The following SPRED2 variants were observed in gnomAD, a reference collection of about 807,000 sequenced individuals.
SPRED2 encodes the protein sprouty related EVH1 domain containing 2, also known as sprouty-related, EVH1 domain-containing protein 2.
Under a neutral mutation model 43.0 loss-of-function variants are expected in SPRED2, and 47 were observed. The observed-to-expected ratio is 1.09, with a 90% CI of 0.87 to 1.40. SPRED2 has a LOEUF of 1.40. SPRED2 is among the 40% of genes most tolerant of loss of function. The pLI is 0.00. For missense variants in SPRED2, 561 were observed against 586.4 expected, an observed-to-expected ratio of 0.96 and a Z score of 0.45; for synonymous variants, 225 against 225.7, an observed-to-expected ratio of 1.00 and a Z score of 0.03.
intron 1 of SPRED2, among the ~76,000 whole-genome samples, chr2:65,405,715 A>C (rs1215399153): frequency 6.6e-6 from 1 of 152,164 alleles, no homozygotes; most frequent in Non-Finnish European, 1.5e-5. Context: ...CTCATTTTAT[A>C]ACAATGTTCA....
chr2:65,352,780 C>T (rs35749233), intron 1 of SPRED2, among the ~76,000 whole-genome samples: 31 of 152,084 alleles, frequency 2.0e-4, no homozygotes, highest in African/African-American at 6.7e-4. Flanking sequence ...TGCTCCAACA[C>T]GCCCAGCTAA....
intron 1 of SPRED2, among the ~76,000 whole-genome samples, chr2:65,390,654 G>C (rs935432804): frequency 6.6e-6 from 1 of 152,154 alleles, no homozygotes; most frequent in African/African-American, 2.4e-5. Context: ...TAGTTCATAG[G>C]GTTATGATGA....
At chr2:65,343,551 G>A (rs1179114249) in intron 2 of SPRED2, among the ~76,000 whole-genome samples, 2 of 152,104 alleles carry the variant, frequency 1.3e-5, no homozygotes, top group Non-Finnish European at 2.9e-5. Context: ...TTCTTGTGGT[G>A]TCTTTGCATT....
intron 1 of SPRED2, among the ~76,000 whole-genome samples, chr2:65,423,526 T>A (rs946302679): frequency 2.0e-5 from 3 of 152,186 alleles, no homozygotes; most frequent in African/African-American, 7.2e-5. Context: ...GACTTCTAAA[T>A]CCTAATTATC....
chr2:65,311,985 C>T lies in SPRED2; in HGVS notation c.*1516G>A, dbSNP rs973709358. 3.0e-6 allele frequency: 3 copies of T among 985,136 alleles called. No individual in the cohort carries two copies. Among genetic ancestry groups the T allele is most frequent in the African/African-American group, 3.5e-5 (2 of 57,144 alleles). 61.0% of individuals were successfully genotyped at this position (985,136 alleles called of 1,614,324 possible). A position where few individuals can be genotyped will look rare whatever the true frequency, so the allele number is the denominator to read the frequency against. On this transcript the variant is annotated 3_prime_UTR_variant, in exon 6 of 6. Transcript: ENST00000356388. ...CTGCTGGCCGCTACCACAGAAAGATCGTGGCGGGAAGAACAGCCGGCGTCC... is the reference window on the plus strand; with the variant it reads ...CTGCTGGCCGCTACCACAGAAAGATTGTGGCGGGAAGAACAGCCGGCGTCC...
At chr2:65,362,412 G>A (rs1002177459) in intron 1 of SPRED2, among the ~76,000 whole-genome samples, 2 of 152,088 alleles carry the variant, frequency 1.3e-5, no homozygotes, top group Non-Finnish European at 2.9e-5. Flanking sequence ...TGCAACTACA[G>A]GCGCCCGACA....
chr2:65,419,252 G>A (rs952019117), intron 1 of SPRED2, among the ~76,000 whole-genome samples: 3 of 152,278 alleles, frequency 2.0e-5, no homozygotes, highest in South Asian at 2.1e-4. Context: ...GGACAGAGCT[G>A]GCAGACAGAA....
intron 1 of SPRED2, among the ~76,000 whole-genome samples, chr2:65,399,049 T>A (rs1223101386): frequency 6.6e-6 from 1 of 151,986 alleles, no homozygotes; most frequent in Non-Finnish European, 1.5e-5. Context: ...GAGGCCAAGG[T>A]GGGCGGATCA....
chr2:65,419,577 TTG>T (rs10541896), intron 1 of SPRED2, among the ~76,000 whole-genome samples: 7,205 of 148,830 alleles, frequency 0.048, 230 homozygotes, highest in East Asian at 0.15. Context: ...GGGATTATAG[TTG>T]TGTGTGTGTG....
downstream of SPRED2, among the ~76,000 whole-genome samples, chr2:65,307,441 C>A (rs1271502169): frequency 6.6e-6 from 1 of 151,934 alleles, no homozygotes; most frequent in East Asian, 1.9e-4. Context: ...AGTGATCCAC[C>A]CTCTTCGGCC....
chr2:65,314,159 C>T lies in SPRED2; in HGVS notation c.599G>A (p.Arg200Lys). Residue 200 changes from arginine (R) to lysine (K), a missense_variant, in exon 6 of 6, where the codon AGG becomes AAG. By Grantham distance (26) the Arg-to-Lys change is conservative (BLOSUM62 2). Transcript: ENST00000356388. ...DHYHLDQPMP[R>K]PYRQVSFPDD... The stretch of plus-strand genomic sequence containing the variant: ...CGGGAAGCTCACCTGGCGGTAGGGC[C>T]TTGGCATCGGCTGTCCCGTAGGAGA... 1 of 1,594,388 alleles carries T rather than the reference C, an allele frequency of 6.3e-7. No homozygotes were observed. Among genetic ancestry groups the T allele is most frequent in the Non-Finnish European group, 8.6e-7 (1 of 1,164,672 alleles).
At chr2:65,310,830 C>T (rs1338939556), downstream of SPRED2, 10 of 979,028 alleles carry the variant, frequency 1.0e-5, no homozygotes, top group Non-Finnish European at 1.1e-5. Context: ...TCCTGCCAGA[C>T]AAATACCCCA....
rs1190258233 is a variant in SPRED2 at position 65,313,514 on chromosome 2, T to C, written c.1244A>G (p.Lys415Arg). ...AGGGAAACTGAGTCACGCGGCCGCT[T>C]TGTGCTTCCCGCCACAGCACCTGCA... The part of the protein sequence containing the change: ...VMCRCCGGKH[K>R]AAA The change falls in exon 6 of 6, where the codon AAA (lysine) becomes AGA (arginine). Residue 415 changes from lysine (K) to arginine (R), a missense_variant. Lys to Arg is a conservative substitution (Grantham distance 26). Coordinates refer to ENST00000356388, the MANE Select transcript of SPRED2 (RefSeq NM_181784.3). The C allele has an allele frequency of 4.4e-6, 7 of 1,606,548 alleles. 1 individual carries two copies. Among genetic ancestry groups the C allele is most frequent in the Non-Finnish European group, 2.5e-6 (3 of 1,176,482 alleles).
intron 2 of SPRED2, among the ~76,000 whole-genome samples, chr2:65,337,190 C>T (rs777304602): frequency 6.6e-6 from 1 of 152,102 alleles, no homozygotes; most frequent in Non-Finnish European, 1.5e-5. Context: ...CTCTTTATGT[C>T]CTCTAAAGCA....
chr2:65,363,239 CAA>C (rs141094707), intron 1 of SPRED2, among the ~76,000 whole-genome samples: 2,140 of 102,940 alleles, frequency 0.021, 27 homozygotes, highest in Middle Eastern at 0.043. Context: ...AACTCCGTCT[CAA>C]AAAAAAAAAA....
intron 1 of SPRED2, among the ~76,000 whole-genome samples, chr2:65,376,702 T>A (rs1259783916): frequency 6.6e-6 from 1 of 152,152 alleles, no homozygotes; most frequent in African/African-American, 2.4e-5. Flanking sequence ...TTGCTGTTTA[T>A]CTCTTCACAG....
At chr2:65,360,302 AT>A (rs1290011656) in intron 1 of SPRED2, among the ~76,000 whole-genome samples, 3 of 152,158 alleles carry the variant, frequency 2.0e-5, no homozygotes, top group Non-Finnish European at 4.4e-5. Context: ...ACACAGTTTC[AT>A]TCTCCAGGAA....
intron 4 of SPRED2, among the ~76,000 whole-genome samples, chr2:65,322,265 TC>T (rs1673444227): frequency 1.5e-5 from 1 of 65,258 alleles, no homozygotes; most frequent in Non-Finnish European, 2.7e-5. Context: ...TCTCTCTCTC[TC>T]TCTCTATATA....
At chr2:65,345,332 C>T (rs1388145269) in intron 1 of SPRED2, among the ~76,000 whole-genome samples, 6 of 135,812 alleles carry the variant, frequency 4.4e-5, no homozygotes, top group East Asian at 5.1e-4. Flanking sequence ...GGCGCGATGT[C>T]GGCTCACTGC....
Sources: allele counts gnomAD v4.1 joint callset (sites outside exome capture counted in the v4.1 genomes callset), GRCh38; gene constraint gnomAD v4.1.1; transcripts MANE v1.5; gene names NCBI Gene and HGNC (gene_info 2026-07-23, HGNC 2026-07-21).